Variants in PCCB observed in about 807,000 individuals in gnomAD.
PCCB encodes propionyl-CoA carboxylase beta chain, mitochondrial.
In PCCB, 43 loss-of-function variants were observed where a neutral mutation model predicts 60.7. The ratio of observed to expected loss-of-function variants is 0.71; its 90% CI spans 0.55 to 0.91. The LOEUF is 0.91. Ranked by LOEUF, PCCB falls within the 40% of genes least tolerant of loss-of-function variation. PCCB has a pLI of 0.00. For synonymous variants in PCCB, 276 were observed against 255.9 expected (o/e 1.08, Z -0.75); for missense variants, 766 against 702.8 (o/e 1.09, Z -1.02).
At chr3:136,306,731 A>T (rs1934462050) in intron 9 of PCCB, among the ~76,000 whole-genome samples, 1 of 122,578 alleles carries the variant, frequency 8.2e-6, no homozygotes, top group Non-Finnish European at 1.8e-5. Flanking sequence ...TAAATGTATG[A>T]GAAAAAAGTG....
intron 10 of PCCB, among the ~76,000 whole-genome samples, chr3:136,318,696 C>T (rs535433683): frequency 6.3e-4 from 96 of 152,266 alleles, no homozygotes; most frequent in African/African-American, 2.3e-3. Context: ...CATAATCAGG[C>T]TTATTTCATT....
chr3:136,291,081 G>T lies in PCCB; in HGVS notation c.655-2675G>T, dbSNP rs183568388. On this transcript the variant is annotated intron_variant, in intron 6 of 14. Coordinates refer to ENST00000251654, the MANE Select transcript of PCCB (RefSeq NM_000532.5). ...ATTTTTTTAGAATTTCCATTTCTCT[G>T]CTTACATTGCTCATCTGCTTGCTGT... Among the ~76,000 whole-genome samples, 652 of 151,958 alleles carry T rather than the reference G, an allele frequency of 4.3e-3. 1 individual carries two copies. Among genetic ancestry groups the T allele is most frequent in the Non-Finnish European group, 7.3e-3 (495 of 67,958 alleles).
At chr3:136,329,760 A>G (rs1190476907) in intron 14 of PCCB, 145 bp from the exon 15 acceptor site, 3 of 840,066 alleles carry the variant, frequency 3.6e-6, no homozygotes, top group South Asian at 1.4e-5. Flanking sequence ...ACAAGGGGGA[A>G]TTCACAGGGC....
intron 5 of PCCB, among the ~76,000 whole-genome samples, chr3:136,272,106 A>G (rs1942218028): frequency 6.6e-6 from 1 of 152,168 alleles, no homozygotes; most frequent in Non-Finnish European, 1.5e-5. Context: ...TTCTGCATGC[A>G]ATTGAGATGA....
chr3:136,274,985 G>GT lies in PCCB; in HGVS notation c.544-8844dup, dbSNP rs142070756. 6.7e-3 allele frequency among the ~76,000 whole-genome samples: 1,016 copies of GT among 151,630 alleles called. 25 individuals are homozygous for GT. Among genetic ancestry groups the GT allele is most frequent in the East Asian group, 0.061 (312 of 5,152 alleles). On this transcript the variant is annotated intron_variant, in intron 5 of 14. Transcript: ENST00000251654. Reference sequence around the variant, plus strand: ...GCCACCACTCCCGGCTAATTTTTATGTTTTTTTTGTAGAGATGGAAATTTG... The same window carrying GT: ...GCCACCACTCCCGGCTAATTTTTATGTTTTTTTTTGTAGAGATGGAAATTTG...
chr3:136,305,420 T>G (rs1934423314), intron 9 of PCCB, among the ~76,000 whole-genome samples: 2 of 121,822 alleles, frequency 1.6e-5, no homozygotes, highest in African/African-American at 5.0e-5. Flanking sequence ...TCAAAAAGTA[T>G]TGTATTATTA....
At chr3:136,308,234 CTTT>C (rs71157373) in intron 9 of PCCB, among the ~76,000 whole-genome samples, 2 of 130,338 alleles carry the variant, frequency 1.5e-5, no homozygotes. Flanking sequence ...TAAGGAAGGA[CTTT>C]TTTTTTTTTT....
intron 4 of PCCB, 24 bp downstream of exon 4, chr3:136,260,559 A>G (rs1201171753): frequency 1.3e-6 from 2 of 1,583,204 alleles, no homozygotes; most frequent in Admixed American, 3.3e-5. Context: ...ACTCAAATTC[A>G]ATCCATTGCT....
At chr3:136,324,659 G>T (rs1935237116) in intron 10 of PCCB, among the ~76,000 whole-genome samples, 1 of 151,946 alleles carries the variant, frequency 6.6e-6, no homozygotes, top group Non-Finnish European at 1.5e-5. Flanking sequence ...GACATCTGCA[G>T]GTTGTTCCTC....
At chr3:136,296,280 T>G (rs1411774657) in intron 7 of PCCB, among the ~76,000 whole-genome samples, 1 of 152,224 alleles carries the variant, frequency 6.6e-6, no homozygotes, top group Admixed American at 6.5e-5. Flanking sequence ...CAGATACTTC[T>G]GCTCTAGGCA....
intron 7 of PCCB, among the ~76,000 whole-genome samples, chr3:136,295,397 T>A (rs1229930951): frequency 6.6e-6 from 1 of 152,234 alleles, no homozygotes; most frequent in African/African-American, 2.4e-5. Flanking sequence ...TTTCTCCCCA[T>A]GTCAGGTTGG....
In PCCB at chr3:136,306,141, C is replaced by T. The variant is rs145751032; in HGVS notation, c.966+5030C>T. Among the ~76,000 whole-genome samples the T allele has an allele frequency of 5.0e-4, 61 of 122,616 alleles. 10 individuals are homozygous for T. Among genetic ancestry groups the T allele is most frequent in the African/African-American group, 1.3e-3 (52 of 40,222 alleles). The allele number at this position is 122,616 out of a possible 152,430, so 80.4% of individuals were successfully genotyped here. A position where few individuals can be genotyped will look rare whatever the true frequency, so the allele number is the denominator to read the frequency against. ...GGAGAATGCAGATACAAATAGTTTT[C>T]ATTTATATAAAGCTACAATAAGAAA... is the stretch of plus-strand genomic sequence containing the variant. On this transcript the variant is annotated intron_variant, in intron 9 of 14. Transcript: ENST00000251654.
At chr3:136,268,222 A>G (rs1489633992) in intron 5 of PCCB, among the ~76,000 whole-genome samples, 1 of 149,036 alleles carries the variant, frequency 6.7e-6, no homozygotes, top group Non-Finnish European at 1.5e-5. Flanking sequence ...TAATTTTTGT[A>G]TATGGTGTGA....
chr3:136,277,425 G>C (rs1473675067), intron 5 of PCCB, among the ~76,000 whole-genome samples: 2 of 152,132 alleles, frequency 1.3e-5, no homozygotes, highest in African/African-American at 4.8e-5. Flanking sequence ...CTTGTCCTGT[G>C]TTGCCCAGGA....
chr3:136,250,591 C>T (rs1313398843), intron 1 of PCCB, 33 bp downstream of exon 1: 1 of 1,584,240 alleles, frequency 6.3e-7, no homozygotes, highest in Non-Finnish European at 8.6e-7. Context: ...GAGTCCCGCC[C>T]CTGGCGTCCG....
chr3:136,257,566 T>C (rs538622349), intron 3 of PCCB, among the ~76,000 whole-genome samples: 1 of 152,298 alleles, frequency 6.6e-6, no homozygotes, highest in Non-Finnish European at 1.5e-5. Flanking sequence ...CTATTTTGGA[T>C]TTGACTTTTT....
chr3:136,258,879 T>C (rs921817828), intron 3 of PCCB, among the ~76,000 whole-genome samples: 6 of 151,966 alleles, frequency 3.9e-5, no homozygotes, highest in South Asian at 4.2e-4. Context: ...CTGGGTTGTC[T>C]TCTCCTTGAT....
intron 9 of PCCB, among the ~76,000 whole-genome samples, chr3:136,312,113 A>G (rs1190876766): frequency 6.6e-6 from 1 of 152,272 alleles, no homozygotes; most frequent in African/African-American, 2.4e-5. Flanking sequence ...TAAAAGAGCC[A>G]GAAATAGACT....
chr3:136,307,960 A>G (rs1934506510), intron 9 of PCCB, among the ~76,000 whole-genome samples: 1 of 149,430 alleles, frequency 6.7e-6, no homozygotes, highest in Non-Finnish European at 1.5e-5. Context: ...GGGCAACAAG[A>G]GTGAAACTCC....
Sources: allele counts gnomAD v4.1 joint callset (sites outside exome capture counted in the v4.1 genomes callset), GRCh38; gene constraint gnomAD v4.1.1; transcripts MANE v1.5; gene names NCBI Gene and HGNC (gene_info 2026-07-23, HGNC 2026-07-21).